C3orf20: variants seen among roughly 807,000 people sequenced by gnomAD.
The protein encoded by C3orf20 is uncharacterized protein C3orf20.
In C3orf20, 76 loss-of-function variants were observed where a neutral mutation model predicts 88.3. The observed-to-expected ratio is 0.86, with a 90% CI of 0.72 to 1.04. C3orf20 has a LOEUF of 1.04. Ranked by LOEUF, C3orf20 falls within the 50% of genes least tolerant of loss-of-function variation. The pLI is 0.00. For missense variants in C3orf20, 1,056 were observed against 1,123.3 expected (o/e 0.94, Z 0.86); for synonymous variants, 436 against 437.4 (o/e 1.00, Z 0.04).
At position 14,686,171 on chromosome 3, in the gene C3orf20, T is replaced by A. The variant is rs536101373; in HGVS notation, c.625+1789T>A. Among the ~76,000 whole-genome samples, 13 of 142,852 alleles carry A rather than the reference T, an allele frequency of 9.1e-5. No homozygotes were observed. The South Asian group carries it at 2.4e-3, about 27-fold the overall frequency. 93.7% of individuals were successfully genotyped at this position (142,852 alleles called of 152,430 possible). ...CACCACGCCCAGCCCAGGATTTCCTTTTTTAATAGCTGAATCATATTCGTG... is the reference window on the plus strand; with the variant it reads ...CACCACGCCCAGCCCAGGATTTCCTATTTTAATAGCTGAATCATATTCGTG... On this transcript the variant is annotated intron_variant, in intron 4 of 16. Transcript: ENST00000253697.
intron 7 of C3orf20, among the ~76,000 whole-genome samples, chr3:14,711,247 A>G (rs569408761): frequency 5.9e-5 from 9 of 152,276 alleles, no homozygotes; most frequent in African/African-American, 2.2e-4. Flanking sequence ...TCTATCCATT[A>G]TTGAACATGA....
intron 10 of C3orf20, chr3:14,722,178 C>T (rs59524087): frequency 0.034 from 9,685 of 286,074 alleles, 303 homozygotes; most frequent in African/African-American, 0.11. Context: ...GAGTTTCTCT[C>T]CTGTTGATGA....
At chr3:14,713,952 C>T in intron 7 of C3orf20, 55 bp from the exon 8 acceptor site, 2 of 1,601,816 alleles carry the variant, frequency 1.2e-6, no homozygotes, top group East Asian at 4.5e-5. Flanking sequence ...AATGGGACAA[C>T]TGAGAGCAGA....
chr3:14,766,772 C>T (rs1402576943), intron 15 of C3orf20, among the ~76,000 whole-genome samples: 1 of 152,210 alleles, frequency 6.6e-6, no homozygotes. Flanking sequence ...AGCCTGCCAG[C>T]ACCCAGGATG....
rs373313040 is a variant in C3orf20 at position 14,768,005 on chromosome 3, C to A, written c.2496-4062C>A. ...GGAATGAGACCTGATAAAGACAGAG[C>A]GCTACAGAAACACCAATGTGAGCCT... is the stretch of plus-strand genomic sequence containing the variant. On this transcript the variant is annotated intron_variant, in intron 15 of 16. Transcript: ENST00000253697. This position sits in a 1 kb window ranked among gnomAD's most constrained non-coding sequence, Gnocchi z 4.1. 6.6e-6 allele frequency among the ~76,000 whole-genome samples: 1 copy of A among 152,342 alleles called. No homozygotes were observed. Among genetic ancestry groups the A allele is most frequent in the East Asian group, 1.9e-4 (1 of 5,188 alleles).
intron 12 of C3orf20, among the ~76,000 whole-genome samples, chr3:14,738,331 C>T (rs1261153713): frequency 1.3e-5 from 2 of 150,932 alleles, no homozygotes; most frequent in East Asian, 1.9e-4. Flanking sequence ...CCATGCCCAA[C>T]TAATTTTTTT....
At position 14,761,071 on chromosome 3, in the gene C3orf20, C is replaced by T. The variant is rs532870366; in HGVS notation, c.2353-402C>T. ...TCCCATTCCATGGGATAAGCTGAAA[C>T]GTACATACACAGCAGGAGAACACAT... is the stretch of plus-strand genomic sequence containing the variant. On this transcript the variant is annotated intron_variant, in intron 14 of 16. Transcript: ENST00000253697. Among the ~76,000 whole-genome samples the T allele has an allele frequency of 9.1e-4, 138 of 152,200 alleles. No individual in the cohort carries two copies. The Middle Eastern group carries it at 0.014, about 15-fold the overall frequency.
At chr3:14,765,353 G>A (rs2035674112) in intron 15 of C3orf20, 1 of 152,272 alleles carries the variant, frequency 6.6e-6, no homozygotes, top group Non-Finnish European at 1.5e-5. Context: ...TTGGAAGGCT[G>A]ATGGTCAGAG....
Position 14,708,632 on chromosome 3 carries a change from T to TTTG in C3orf20, c.1160+4038_1160+4040dup, listed in dbSNP as rs559283768. ...CTTTGGGGAGTAATACCATTAACAG[T>TTTG]TTGTTGTTGTTGTTGTTGTTGTTGT... On this transcript the variant is annotated intron_variant, in intron 7 of 16. Transcript: ENST00000253697. Among the ~76,000 whole-genome samples the TTTG allele has an allele frequency of 1.1e-3, 173 of 151,712 alleles. 1 individual carries two copies. Among genetic ancestry groups the TTTG allele is most frequent in the Admixed American group, 1.7e-3 (26 of 15,234 alleles).
At chr3:14,696,455 G>A (rs147109264) in intron 5 of C3orf20, among the ~76,000 whole-genome samples, 2 of 151,332 alleles carry the variant, frequency 1.3e-5, no homozygotes, top group African/African-American at 2.4e-5. Flanking sequence ...GCGGTGGCAC[G>A]TCTCGGCTGA....
At chr3:14,763,453 C>T (rs2035615398) in intron 15 of C3orf20, among the ~76,000 whole-genome samples, 1 of 152,036 alleles carries the variant, frequency 6.6e-6, no homozygotes, top group Non-Finnish European at 1.5e-5. Context: ...TCATGAGGGT[C>T]CCACCCTCAT....
At chr3:14,767,532 G>C (rs1191443230) in intron 15 of C3orf20, 1 of 152,246 alleles carries the variant, frequency 6.6e-6, no homozygotes, top group African/African-American at 2.4e-5. Context: ...GGAGTGAGTT[G>C]AGAGGATCAG....
Position 14,703,273 on chromosome 3 carries a change from C to CA in C3orf20, c.878+12dup. 2 of 1,613,976 alleles carry CA rather than the reference C, an allele frequency of 1.2e-6. No homozygotes were observed. The highest frequency in any genetic ancestry group is 4.5e-5 in the East Asian group (2 of 44,888). ...GTTGTGTCGCCACATGTGAGCACCT[C>CA]AGTGCTTGGGTCGGGGGAGTCAAGG... On this transcript the variant is annotated intron_variant, in intron 6 of 16. Coordinates refer to ENST00000253697, the MANE Select transcript of C3orf20 (RefSeq NM_032137.5).
rs534530527 is a variant in C3orf20, at chr3:14,691,524, C to G, written c.745+1408C>G. 2.0e-5 allele frequency among the ~76,000 whole-genome samples: 3 copies of G among 152,330 alleles called. No individual in the cohort carries two copies. The East Asian group carries it at 5.8e-4, about 29-fold the overall frequency. On this transcript the variant is annotated intron_variant, in intron 5 of 16. Transcript: ENST00000253697. ...AAGTCCTCCGTATCCAGGGTTTCCCCTTTCTGTGGTTTCAGTTACCCATGG... is the reference window on the plus strand; with the variant it reads ...AAGTCCTCCGTATCCAGGGTTTCCCGTTTCTGTGGTTTCAGTTACCCATGG...
At chr3:14,689,910 C>T in intron 4 of C3orf20, 87 bp from the exon 5 acceptor site, 1 of 1,576,876 alleles carries the variant, frequency 6.3e-7, no homozygotes, top group Non-Finnish European at 8.7e-7. Flanking sequence ...CACCGTACTA[C>T]TAGAACAAGA....
intron 12 of C3orf20, among the ~76,000 whole-genome samples, chr3:14,755,353 G>A (rs1479614275): frequency 6.6e-6 from 1 of 151,912 alleles, no homozygotes; most frequent in Non-Finnish European, 1.5e-5. Context: ...AGTCATAATT[G>A]TAAAAAGCCT....
chr3:14,722,647 C>T lies in C3orf20; in HGVS notation c.1566+863C>T, dbSNP rs143006585. 215 of 450,714 alleles carry T rather than the reference C, an allele frequency of 4.8e-4. 3 individuals carry two copies. Among genetic ancestry groups the T allele is most frequent in the South Asian group, 2.4e-3 (154 of 64,296 alleles). 27.9% of individuals were successfully genotyped at this position (450,714 alleles called of 1,614,324 possible). ...TAGACTGCTTTCGTTTCAAGTCTAT[C>T]GTCTCCACAAATTGAAAATTCCCTG... On this transcript the variant is annotated intron_variant, in intron 10 of 16. Coordinates refer to ENST00000253697, the MANE Select transcript of C3orf20 (RefSeq NM_032137.5).
At chr3:14,704,680 C>T (rs1316083300) in intron 7 of C3orf20, 62 bp downstream of exon 7, 6 of 1,571,404 alleles carry the variant, frequency 3.8e-6, no homozygotes, top group African/African-American at 2.7e-5. Context: ...AAGTCCAGGA[C>T]TTGATACAGC....
chr3:14,678,743 A>G (rs1433308336), intron 1 of C3orf20, among the ~76,000 whole-genome samples: 1 of 152,220 alleles, frequency 6.6e-6, no homozygotes, highest in Non-Finnish European at 1.5e-5. Context: ...CGTTTCTGGC[A>G]TGTAGCAGTG....
Sources: allele counts gnomAD v4.1 joint callset (sites outside exome capture counted in the v4.1 genomes callset), GRCh38; gene constraint gnomAD v4.1.1; non-coding constraint Gnocchi (gnomAD v3.1); transcripts MANE v1.5; gene names NCBI Gene and HGNC (gene_info 2026-07-23, HGNC 2026-07-21).